OTULIN: variants seen among roughly 807,000 people sequenced by gnomAD.
OTULIN encodes ubiquitin thioesterase otulin.
OTULIN carries 15 observed loss-of-function variants against 39.6 expected under a neutral mutation model. The observed-to-expected ratio is 0.38, with a 90% confidence interval of 0.25 to 0.58. The LOEUF is 0.58. Ranked by LOEUF, OTULIN falls within the 20% of genes least tolerant of loss-of-function variation. The probability of loss-of-function intolerance (pLI) is 0.66; values close to 1 mark genes in which losing one functional copy is unlikely to be tolerated. For synonymous variants in OTULIN, 156 were observed against 170.3 expected (o/e 0.92, Z 0.65); for missense variants, 319 against 445.9 (o/e 0.72, Z 2.56).
intron 6 of OTULIN, among the ~76,000 whole-genome samples, chr5:14,692,499 C>T (rs751050081): frequency 2.6e-5 from 4 of 152,178 alleles, no homozygotes; most frequent in Non-Finnish European, 5.9e-5. Context: ...CAACGTTGAG[C>T]ATCTTTTCAT....
intron 3 of OTULIN, among the ~76,000 whole-genome samples, chr5:14,679,882 A>G (rs1736202756): frequency 6.6e-6 from 1 of 151,956 alleles, no homozygotes; most frequent in South Asian, 2.1e-4. Flanking sequence ...GCCAGAGGTT[A>G]AGAACATTTA....
the OTULIN span, chr5:14,712,731 C>T: frequency 2.4e-6 from 2 of 818,944 alleles, no homozygotes; most frequent in Non-Finnish European, 4.0e-6. Context: ...GGCTTCCAGC[C>T]ACCCTAAGCC....
At chr5:14,713,173 T>TCCCACAGCACATGGATCCCACAGC in the OTULIN span, among the ~76,000 whole-genome samples, 1 of 152,042 alleles carries the variant, frequency 6.6e-6, no homozygotes, top group Non-Finnish European at 1.5e-5. The surrounding 1 kb of genome is among the most constrained non-coding windows in gnomAD (Gnocchi z 4.4). Context: ...GCCACCTCCC[T>TCCCACAGCACATGGATCCCACAGC]CCCACAGCAC....
chr5:14,708,073 G>A, the OTULIN span: 2 of 152,170 alleles, frequency 1.3e-5, no homozygotes, highest in African/African-American at 4.8e-5. Context: ...CGCAAGCCTC[G>A]TCTAGTTCTT....
chr5:14,672,109 G>A (rs1418096392), intron 1 of OTULIN, among the ~76,000 whole-genome samples: 2 of 152,150 alleles, frequency 1.3e-5, no homozygotes, highest in African/African-American at 2.4e-5. Context: ...GGCGTGTATC[G>A]TGATGTGTTT....
intron 4 of OTULIN, 153 bp downstream of exon 4, chr5:14,681,760 A>G: frequency 9.2e-6 from 8 of 869,252 alleles, no homozygotes; most frequent in East Asian, 5.8e-5. Flanking sequence ...GTGATTTCAC[A>G]TAGTTAAATG....
At chr5:14,710,189 G>C in the OTULIN span, 561 of 152,298 alleles carry the variant, frequency 3.7e-3, 4 homozygotes, top group African/African-American at 0.013. Context: ...AAGGATAGCA[G>C]AACCAGGTAA....
chr5:14,713,260 T>C, the OTULIN span, among the ~76,000 whole-genome samples: 33 of 152,218 alleles, frequency 2.2e-4, no homozygotes, highest in African/African-American at 7.5e-4. This position sits in a 1 kb window ranked among gnomAD's most constrained non-coding sequence, Gnocchi z 4.4. Context: ...CCTTCTCTTC[T>C]GGTTTTCATG....
At position 14,664,849 on chromosome 5, in the gene OTULIN, G is replaced by T. The variant is rs775223470; in HGVS notation, c.24G>T (p.Gln8His). The T allele has an allele frequency of 7.4e-6, 9 of 1,214,216 alleles. No homozygotes were observed. The highest frequency in any genetic ancestry group is 9.2e-6 in the Non-Finnish European group (9 of 975,746). The allele number at this position is 1,214,216 out of a possible 1,614,324, so 75.2% of individuals were successfully genotyped here. A position where few individuals can be genotyped will look rare whatever the true frequency, so the allele number is the denominator to read the frequency against. Reference protein sequence around the residue: MSRGTMPQPEAWPGASCA... With the variant: MSRGTMPHPEAWPGASCA... ...GCATGAGTCGGGGGACTATGCCCCA[G>T]CCCGAAGCGTGGCCAGGCGCGAGCT... The change falls in exon 1 of 7, where the codon CAG becomes CAT. Residue 8 changes from glutamine to histidine, a missense_variant. By Grantham distance (24) the Gln-to-His change is conservative. This residue lies in a region of OTULIN where 132 missense variants were observed against 143.7 expected (regional missense o/e 0.92). Transcript: ENST00000284274.
At chr5:14,715,333 G>A in the OTULIN span, among the ~76,000 whole-genome samples, 5 of 152,212 alleles carry the variant, frequency 3.3e-5, no homozygotes, top group East Asian at 9.6e-4. Flanking sequence ...GTTTCACCAT[G>A]TTGGTGAGGC....
the OTULIN span, among the ~76,000 whole-genome samples, chr5:14,712,541 C>T: frequency 2.0e-5 from 3 of 152,274 alleles, no homozygotes; most frequent in African/African-American, 7.2e-5. Context: ...CCATCGGCAG[C>T]ATCGCATGTC....
At chr5:14,681,375 C>A in intron 3 of OTULIN, 89 bp from the exon 4 acceptor site, 2 of 1,486,164 alleles carry the variant, frequency 1.3e-6, no homozygotes, top group South Asian at 1.4e-5. Flanking sequence ...CCAGTGATCC[C>A]AGGCCAAGCT....
At chr5:14,681,868 G>A (rs1736260194) in intron 4 of OTULIN, among the ~76,000 whole-genome samples, 1 of 152,192 alleles carries the variant, frequency 6.6e-6, no homozygotes, top group Non-Finnish European at 1.5e-5. Context: ...AAAGCACTTA[G>A]GAACAGTTCG....
chr5:14,675,731 T>C (rs1246063264), intron 2 of OTULIN, among the ~76,000 whole-genome samples: 2 of 152,238 alleles, frequency 1.3e-5, no homozygotes, highest in East Asian at 3.8e-4. Flanking sequence ...CCCTTTACAC[T>C]TCTCACATCA....
rs767752028 is a variant in OTULIN, at chr5:14,692,804, C to T, written c.865-50C>T. ...ATGGATGGAACATGGTGTTAAGCCA[C>T]GTTTTTCAGTGTGATCTTCCTCAGA... On this transcript the variant is annotated intron_variant, in intron 6 of 6. Transcript: ENST00000284274. 1.7e-5 allele frequency: 26 copies of T among 1,557,150 alleles called. No individual in the cohort carries two copies. The African/African-American group carries it at 2.6e-4, about 15-fold the overall frequency.
the OTULIN span, chr5:14,711,362 A>G: frequency 1.3e-6 from 2 of 1,491,646 alleles, no homozygotes; most frequent in Non-Finnish European, 1.9e-6. Flanking sequence ...GACACTGCAC[A>G]GCAGAACCAC....
chr5:14,681,404 CT>C, intron 3 of OTULIN, 59 bp from the exon 4 acceptor site: 1 of 1,529,522 alleles, frequency 6.5e-7, no homozygotes, highest in African/African-American at 1.4e-5. Context: ...AGGAATGAAA[CT>C]TTCTCTGCTA....
intron 2 of OTULIN, among the ~76,000 whole-genome samples, chr5:14,675,929 A>G (rs1215652518): frequency 6.6e-6 from 1 of 152,200 alleles, no homozygotes; most frequent in African/African-American, 2.4e-5. Context: ...GTCGATAAAG[A>G]TTTTTTGAAA....
At chr5:14,713,435 G>A in the OTULIN span, 112 of 1,464,808 alleles carry the variant, frequency 7.6e-5, no homozygotes, top group Middle Eastern at 1.7e-4. The surrounding 1 kb of genome is among the most constrained non-coding windows in gnomAD (Gnocchi z 4.4). Context: ...CTGAATTTCC[G>A]ATTCTAGACG....
Sources: allele counts gnomAD v4.1 joint callset (sites outside exome capture counted in the v4.1 genomes callset), GRCh38; gene constraint gnomAD v4.1.1; regional missense constraint gnomAD v4.1.1; non-coding constraint Gnocchi (gnomAD v3.1); transcripts MANE v1.5; gene names NCBI Gene and HGNC (gene_info 2026-07-23, HGNC 2026-07-21).